Variants in FCHO1 observed in about 807,000 individuals in gnomAD.
FCHO1 encodes the protein FCH and mu domain containing endocytic adaptor 1.
A neutral mutation model predicts 114.4 loss-of-function variants in FCHO1; 45 were observed. The ratio of observed to expected loss-of-function variants is 0.39; its 90% CI spans 0.31 to 0.50. FCHO1 has a LOEUF of 0.50. Among genes scored for constraint, FCHO1 ranks in the 20% least tolerant of loss-of-function variants. FCHO1 has a pLI of 0.77. For missense variants in FCHO1, 1,042 were observed against 1,209.6 expected, an observed-to-expected ratio of 0.86 and a Z score of 2.06; for synonymous variants, 480 against 488.9, an observed-to-expected ratio of 0.98 and a Z score of 0.24.
intron 27 of FCHO1, among the ~76,000 whole-genome samples, 160 bp from the exon 28 acceptor site, chr19:17,787,522 G>A (rs1196381537): frequency 3.3e-5 from 5 of 152,182 alleles, no homozygotes; most frequent in Non-Finnish European, 5.9e-5. Context: ...ACAAAGCCCA[G>A]TGATGCCAGG....
chr19:17,778,649 C>T lies in FCHO1; in HGVS notation c.1392C>T (p.Phe464=). The T allele has an allele frequency of 1.3e-6, 2 of 1,577,666 alleles. No individual in the cohort carries two copies. Among genetic ancestry groups the T allele is most frequent in the Non-Finnish European group, 8.6e-7 (1 of 1,165,422 alleles). Residue 464 remains phenylalanine, a synonymous_variant, in exon 20 of 29, where the codon TTC becomes TTT. Transcript: ENST00000596536. ...GCTTCACCTCCAGCCCCTCCCCTTT[C>T]TCCTCCTCGTCGCCCGAAAACGTGG... ...SLGFTSSPSP[F]SSSSPENVED... is the part of the protein sequence containing the mutation.
chr19:17,786,743 T>C (rs2093932354), intron 27 of FCHO1, 114 bp downstream of exon 27: 5 of 1,158,652 alleles, frequency 4.3e-6, no homozygotes, highest in Non-Finnish European at 6.2e-6. Flanking sequence ...AGTATGGGCA[T>C]TGAGGAAGTC....
At chr19:17,788,237 C>T (rs575963315) in intron 28 of FCHO1, 47 bp from the exon 29 acceptor site, 26 of 1,156,020 alleles carry the variant, frequency 2.2e-5, no homozygotes, top group Admixed American at 9.2e-5. Flanking sequence ...GAACCCCTCC[C>T]GTACCCCTCC....
In FCHO1 at chr19:17,783,985, C is replaced by T. The variant is rs189878294; in HGVS notation, c.2094-118C>T. The T allele has an allele frequency of 6.1e-4, 795 of 1,295,134 alleles. 4 individuals carry two copies. The African/African-American group carries it at 0.01, about 17-fold the overall frequency. The allele number at this position is 1,295,134 out of a possible 1,614,324, so 80.2% of individuals were successfully genotyped here. On this transcript the variant is annotated intron_variant, in intron 24 of 28. Transcript: ENST00000596536. ...CCGCACCACAACCACCCAGGTAGGG[C>T]TTTGCTGGGCCCAGGGTGGGCCAGG...
chr19:17,770,666 G>A (rs142764492), intron 8 of FCHO1, 89 bp downstream of exon 8: 25 of 1,575,234 alleles, frequency 1.6e-5, no homozygotes, highest in African/African-American at 2.7e-5. Context: ...CCAGAGCGAC[G>A]GTCCTGGAAC....
In FCHO1 at chr19:17,770,566, G is replaced by A; in HGVS notation, c.478G>A (p.Glu160Lys). ...GCGGAGGGAGAGTACCAGCCAGAAG[G>A]AGATGGACAAGGTGGGCTCACAGTG... ...RLRRESTSQKEMDKAETKTKK... is the reference protein window; with the variant it reads ...RLRRESTSQKKMDKAETKTKK... The change falls in exon 8 of 29, where the codon GAG becomes AAG. Residue 160 changes from glutamate to lysine, a missense_variant. Around this residue, in one of 3 missense-constraint regions of FCHO1, gnomAD observed 450 missense variants for 564.1 expected, o/e 0.80. Transcript: ENST00000596536. 1.2e-6 allele frequency: 2 copies of A among 1,612,136 alleles called. No homozygotes were observed. Among genetic ancestry groups the A allele is most frequent in the Non-Finnish European group, 1.7e-6 (2 of 1,178,626 alleles).
intron 26 of FCHO1, 114 bp downstream of exon 26, chr19:17,785,038 C>T (rs1440218954): frequency 9.9e-7 from 1 of 1,005,748 alleles, no homozygotes; most frequent in Non-Finnish European, 1.5e-6. Context: ...TAACTGTGAG[C>T]CCACCCTGCT....
intron 1 of FCHO1, among the ~76,000 whole-genome samples, chr19:17,752,667 G>A (rs987916574): frequency 2.6e-5 from 4 of 151,816 alleles, no homozygotes; most frequent in Admixed American, 6.6e-5. Context: ...GGGGGTCCCA[G>A]GCAGGAGGAT....
intron 7 of FCHO1, among the ~76,000 whole-genome samples, chr19:17,769,825 ATGTG>A (rs1402522069): frequency 6.7e-6 from 1 of 149,388 alleles, no homozygotes; most frequent in African/African-American, 2.5e-5. Context: ...AATATGAACC[ATGTG>A]TAAATAGTAC....
chr19:17,755,428 G>A (rs1455446579), intron 4 of FCHO1: 2 of 402,700 alleles, frequency 5.0e-6, no homozygotes, highest in Middle Eastern at 6.6e-4. Flanking sequence ...AAGGGCCAGA[G>A]TGGGAACGTC....
intron 7 of FCHO1, 124 bp downstream of exon 7, chr19:17,766,934 A>C: frequency 9.3e-7 from 1 of 1,075,852 alleles, no homozygotes; most frequent in Non-Finnish European, 1.3e-6. Flanking sequence ...CGTTAATTCC[A>C]CAACGTCAAG....
chr19:17,781,383 C>T (rs1568367885), intron 21 of FCHO1, 40 bp downstream of exon 21: 1 of 1,609,080 alleles, frequency 6.2e-7, no homozygotes, highest in Non-Finnish European at 8.5e-7. Context: ...CTGGGGGTCG[C>T]GTCTGGGGTC....
intron 19 of FCHO1, 117 bp downstream of exon 19, chr19:17,778,345 C>A: frequency 1.5e-6 from 1 of 645,934 alleles, no homozygotes; most frequent in Non-Finnish European, 2.6e-6. Context: ...AGGACTAGTC[C>A]GTGTAGGGGT....
upstream of FCHO1, chr19:17,751,348 T>A (rs2081910991): frequency 6.6e-6 from 1 of 152,196 alleles, no homozygotes; most frequent in Admixed American, 6.5e-5. The surrounding 1 kb of genome is among the most constrained non-coding windows in gnomAD (Gnocchi z 4.4). Flanking sequence ...AAGCGCCTCT[T>A]GTTTACTCAC....
chr19:17,784,136 C>G lies in FCHO1; in HGVS notation c.2127C>G (p.Asp709Glu), dbSNP rs771999879. ...DPSQSDPETKDFWLNMAALTE... is the reference protein window; with the variant it reads ...DPSQSDPETKEFWLNMAALTE... ...CCCAGAGTGACCCTGAGACCAAAGA[C>G]TTCTGGCTCAACATGGCAGCTCTGA... is the stretch of plus-strand genomic sequence containing the variant. The change falls in exon 25 of 29, where the codon GAC (aspartate) becomes GAG (glutamate). Residue 709 changes from aspartate to glutamate, a missense_variant. Around this residue, in one of 3 missense-constraint regions of FCHO1, gnomAD observed 455 missense variants for 455.4 expected, o/e 1.00. Transcript: ENST00000596536. This position sits in a 1 kb window ranked among gnomAD's most constrained non-coding sequence, Gnocchi z 5.3. 1 of 1,614,164 alleles carries G rather than the reference C, an allele frequency of 6.2e-7. No homozygotes were observed.
intron 5 of FCHO1, among the ~76,000 whole-genome samples, chr19:17,763,541 G>C (rs903904423): frequency 6.8e-6 from 1 of 146,860 alleles, no homozygotes; most frequent in African/African-American, 2.5e-5. Context: ...TGGAATTACA[G>C]ATGTAAGCCA....
intron 20 of FCHO1, among the ~76,000 whole-genome samples, 154 bp downstream of exon 20, chr19:17,779,038 C>CATTT (rs2093028837): frequency 1.3e-5 from 2 of 152,224 alleles, no homozygotes; most frequent in South Asian, 4.1e-4. Flanking sequence ...ATGAGATGGA[C>CATTT]ATTTAGCAAG....
At chr19:17,765,702 A>G (rs945190852) in intron 6 of FCHO1, among the ~76,000 whole-genome samples, 2 of 151,724 alleles carry the variant, frequency 1.3e-5, no homozygotes, top group Non-Finnish European at 2.9e-5. Flanking sequence ...AACAAAACAC[A>G]TAATGTGGTC....
At chr19:17,768,871 G>A (rs2090389626) in intron 7 of FCHO1, among the ~76,000 whole-genome samples, 2 of 152,128 alleles carry the variant, frequency 1.3e-5, no homozygotes, top group African/African-American at 2.4e-5. Flanking sequence ...CAGGCCAGGC[G>A]TGGTGTGCAT....
Sources: allele counts gnomAD v4.1 joint callset (sites outside exome capture counted in the v4.1 genomes callset), GRCh38; gene constraint gnomAD v4.1.1; regional missense constraint gnomAD v4.1.1; non-coding constraint Gnocchi (gnomAD v3.1); transcripts MANE v1.5; gene names NCBI Gene and HGNC (gene_info 2026-07-23, HGNC 2026-07-21).